WASF2: variants seen among roughly 807,000 people sequenced by gnomAD.
WASF2 encodes the protein actin-binding protein WASF2.
In WASF2, 14 loss-of-function variants were observed where a neutral mutation model predicts 45.0. That is an observed-to-expected ratio of 0.31 (90% CI 0.21 to 0.49). The LOEUF is 0.49. Among genes scored for constraint, WASF2 ranks in the 20% least tolerant of loss-of-function variants. The pLI is 0.99. For missense variants in WASF2, 439 were observed against 636.1 expected (o/e 0.69, Z 3.33); for synonymous variants, 200 against 236.3 (o/e 0.85, Z 1.41).
intron 2 of WASF2, among the ~76,000 whole-genome samples, chr1:27,427,973 T>G (rs2017010814): frequency 6.6e-6 from 1 of 151,994 alleles, no homozygotes; most frequent in Non-Finnish European, 1.5e-5. Context: ...CAGAATGAAA[T>G]CCAAACCACA....
intron 1 of WASF2, among the ~76,000 whole-genome samples, chr1:27,488,332 A>C (rs1281172925): frequency 6.6e-6 from 1 of 152,192 alleles, no homozygotes; most frequent in African/African-American, 2.4e-5. Context: ...TAGAAGTCAA[A>C]AAACAGGTTG....
At chr1:27,475,909 C>T (rs954878780) in intron 1 of WASF2, among the ~76,000 whole-genome samples, 5 of 152,142 alleles carry the variant, frequency 3.3e-5, no homozygotes. Context: ...CCTCACGCCT[C>T]CCCATGTGGG....
At chr1:27,478,685 C>T (rs1017788197) in intron 1 of WASF2, among the ~76,000 whole-genome samples, 1 of 152,048 alleles carries the variant, frequency 6.6e-6, no homozygotes, top group African/African-American at 2.4e-5. Context: ...CAGGTTCAAG[C>T]GAGTCTCCTG....
chr1:27,485,295 G>A (rs2017908457), intron 1 of WASF2, among the ~76,000 whole-genome samples: 2 of 151,912 alleles, frequency 1.3e-5, no homozygotes. Context: ...TAAAGAAGAG[G>A]TGGGGGCAGG....
intron 1 of WASF2, among the ~76,000 whole-genome samples, chr1:27,460,342 G>C (rs2017527659): frequency 6.6e-6 from 1 of 152,026 alleles, no homozygotes; most frequent in African/African-American, 2.4e-5. Context: ...AAAAGAATTA[G>C]CAAAATCGAG....
chr1:27,408,634 C>G (rs1557593994), intron 8 of WASF2, among the ~76,000 whole-genome samples: 2 of 152,282 alleles, frequency 1.3e-5, no homozygotes, highest in South Asian at 2.1e-4. Flanking sequence ...CACATTCCAT[C>G]TAGCAGACCC....
rs1571116985 is a variant in WASF2, at chr1:27,409,673, A to G, written c.1339+19T>C. On this transcript the variant is annotated intron_variant, in intron 8 of 8. Transcript: ENST00000618852. ...GAAAGACAAGGCTCCACAGTCCCAA[A>G]CCCACCATTGAAATTTACCTTGACG... 2 of 1,490,142 alleles carry G rather than the reference A, an allele frequency of 1.3e-6. No individual in the cohort carries two copies. Among genetic ancestry groups the G allele is most frequent in the Non-Finnish European group, 1.8e-6 (2 of 1,119,424 alleles). 92.3% of individuals were successfully genotyped at this position (1,490,142 alleles called of 1,614,324 possible).
At chr1:27,449,870 A>G (rs2017360926) in intron 1 of WASF2, among the ~76,000 whole-genome samples, 1 of 151,834 alleles carries the variant, frequency 6.6e-6, no homozygotes, top group African/African-American at 2.4e-5. Flanking sequence ...TTGGCTGGGC[A>G]TGGTGGCTCA....
intron 1 of WASF2, among the ~76,000 whole-genome samples, chr1:27,471,276 C>T (rs935821773): frequency 2.8e-5 from 4 of 140,710 alleles, no homozygotes; most frequent in African/African-American, 1.1e-4. Flanking sequence ...ACCCGGGAGG[C>T]GGAGCTTGCA....
chr1:27,439,007 T>A (rs191715056), intron 1 of WASF2, among the ~76,000 whole-genome samples: 2 of 152,276 alleles, frequency 1.3e-5, no homozygotes, highest in African/African-American at 4.8e-5. Flanking sequence ...AAAATAAGTA[T>A]CTGTTCTTTC....
chr1:27,419,506 T>G (rs889839796), intron 2 of WASF2, among the ~76,000 whole-genome samples: 1 of 152,168 alleles, frequency 6.6e-6, no homozygotes, highest in Non-Finnish European at 1.5e-5. Flanking sequence ...TCCCAGCTAC[T>G]GGGGAGGTTG....
In WASF2 at chr1:27,405,609, T is replaced by A. The variant is rs2016660075; in HGVS notation, c.*2580A>T. The A allele has an allele frequency of 3.3e-4, 4 of 12,058 alleles. No homozygotes were observed. In the Non-Finnish European group the frequency reaches 4.4e-3, roughly 13 times the overall value. The allele number at this position is 12,058 out of a possible 1,614,324, so 0.7% of individuals were successfully genotyped here. On this transcript the variant is annotated 3_prime_UTR_variant, in exon 9 of 9. Transcript: ENST00000618852. ...TGGGTCTAAAGAAGCCTTTTTTTTTTTTTTTTTTTTTTTTTTTTTTTTGGT... is the reference window on the plus strand; with the variant it reads ...TGGGTCTAAAGAAGCCTTTTTTTTTATTTTTTTTTTTTTTTTTTTTTTGGT...
At chr1:27,447,926 T>C (rs1047650597) in intron 1 of WASF2, among the ~76,000 whole-genome samples, 1 of 152,216 alleles carries the variant, frequency 6.6e-6, no homozygotes, top group African/African-American at 2.4e-5. Context: ...ATTGCCATGT[T>C]CCATGCTTTA....
Position 27,420,413 on chromosome 1 carries a change from T to A in WASF2, c.131-1325A>T, listed in dbSNP as rs1168378359. ...AGGAGAATTTGCAGCCAAAGAAACA[T>A]AACAGCAATTTGACACTACCTCTAT... On this transcript the variant is annotated intron_variant, in intron 2 of 8. Transcript: ENST00000618852. 2.0e-5 allele frequency among the ~76,000 whole-genome samples: 3 copies of A among 150,316 alleles called. No homozygotes were observed. In the East Asian group the frequency reaches 5.9e-4, roughly 29 times the overall value.
At chr1:27,473,209 G>A (rs996229449) in intron 1 of WASF2, among the ~76,000 whole-genome samples, 2 of 151,886 alleles carry the variant, frequency 1.3e-5, no homozygotes, top group Admixed American at 6.6e-5. Context: ...GGCCAAGAGC[G>A]GTGGCTCATG....
intron 1 of WASF2, among the ~76,000 whole-genome samples, chr1:27,430,947 GA>G (rs1000611618): frequency 5.3e-5 from 8 of 151,444 alleles, no homozygotes; most frequent in African/African-American, 1.9e-4. Flanking sequence ...GACCAAAAGA[GA>G]AAAAAAAATC....
chr1:27,426,614 G>A (rs935284338), intron 2 of WASF2, among the ~76,000 whole-genome samples: 1 of 151,608 alleles, frequency 6.6e-6, no homozygotes, highest in Admixed American at 6.6e-5. Context: ...GGATTCAAGC[G>A]ATTCTCGTGC....
rs1453867723 is a variant in WASF2, at chr1:27,484,814, A to AAAAAAAAAAAAAAAG, written c.-44+5171_-44+5172insCTTTTTTTTTTTTTT. On this transcript the variant is annotated intron_variant, in intron 1 of 8. Coordinates refer to ENST00000618852, the MANE Select transcript of WASF2 (RefSeq NM_006990.5). The stretch of plus-strand genomic sequence containing the variant: ...ATGACAGAGCGAGACTCTGTCTCAA[A>AAAAAAAAAAAAAAAG]AAAAAAAAGAATACTCTAAAGGAAA... Among the ~76,000 whole-genome samples, 1,418 of 151,286 alleles carry AAAAAAAAAAAAAAAG rather than the reference A, an allele frequency of 9.4e-3. 49 individuals carry two copies. Among genetic ancestry groups the AAAAAAAAAAAAAAAG allele is most frequent in the African/African-American group, 0.033 (1,344 of 40,796 alleles).
intron 1 of WASF2, among the ~76,000 whole-genome samples, chr1:27,477,908 AAATAAATAAAT>A (rs2017789237): frequency 3.0e-5 from 3 of 100,332 alleles, no homozygotes; most frequent in African/African-American, 1.9e-4. Flanking sequence ...CAAAAAAAAA[AAATAAATAAAT>A]AAAAAAAAAA....
Sources: allele counts gnomAD v4.1 joint callset (sites outside exome capture counted in the v4.1 genomes callset), GRCh38; gene constraint gnomAD v4.1.1; transcripts MANE v1.5; gene names NCBI Gene and HGNC (gene_info 2026-07-23, HGNC 2026-07-21).